DNAJC21: variants seen among roughly 807,000 people sequenced by gnomAD.
The protein encoded by DNAJC21 is DnaJ heat shock protein family (Hsp40) member C21, also known as dnaJ homolog subfamily C member 21.
A neutral mutation model predicts 72.4 loss-of-function variants in DNAJC21; 63 were observed. That is an observed-to-expected ratio of 0.87 (90% CI 0.71 to 1.07). DNAJC21 has a LOEUF of 1.07. Among genes scored for constraint, DNAJC21 ranks in the 50% least tolerant of loss-of-function variants. The pLI, the probability that DNAJC21 is intolerant of heterozygous loss-of-function variation, is 0.00. For missense variants in DNAJC21, 634 were observed against 644.8 expected (o/e 0.98, Z 0.18); for synonymous variants, 203 against 216.7 (o/e 0.94, Z 0.56).
At chr5:34,944,807 C>T (rs940010588) in intron 7 of DNAJC21, 60 bp from the exon 8 acceptor site, 124 of 1,593,108 alleles carry the variant, frequency 7.8e-5, no homozygotes, top group Non-Finnish European at 5.3e-5. Flanking sequence ...TATCCAGCAA[C>T]ATTATCTGGA....
intron 10 of DNAJC21, 185 bp downstream of exon 10, chr5:34,950,527 C>T: frequency 8.0e-7 from 1 of 1,249,888 alleles, no homozygotes; most frequent in Non-Finnish European, 1.0e-6. Context: ...GAAGAGGATG[C>T]TAGAGGAATG....
intron 9 of DNAJC21, 118 bp from the exon 10 acceptor site, chr5:34,950,052 A>G: frequency 8.5e-7 from 1 of 1,175,378 alleles, no homozygotes; most frequent in Non-Finnish European, 1.2e-6. Flanking sequence ...CATGTTCTTA[A>G]CTTACCTGCT....
At chr5:34,950,636 G>C in intron 10 of DNAJC21, 1 of 1,036,226 alleles carries the variant, frequency 9.7e-7, no homozygotes. Flanking sequence ...ATTTTGTCGT[G>C]GATCATTAAC....
chr5:34,941,874 T>C (rs1297657097), intron 7 of DNAJC21, among the ~76,000 whole-genome samples: 3 of 151,772 alleles, frequency 2.0e-5, no homozygotes, highest in Non-Finnish European at 4.4e-5. Flanking sequence ...GCCCTTGTGT[T>C]TTTTTTTGAG....
intron 10 of DNAJC21, chr5:34,950,886 C>T: frequency 6.1e-6 from 6 of 985,606 alleles, no homozygotes; most frequent in Non-Finnish European, 7.2e-6. Context: ...CTCCTTCCTC[C>T]TCTTGTCTGA....
chr5:34,954,315 T>C, intron 11 of DNAJC21: 1 of 497,500 alleles, frequency 2.0e-6, no homozygotes, highest in Non-Finnish European at 3.4e-6. Context: ...CTTCCTCTTT[T>C]TTAGTCCATG....
intron 9 of DNAJC21, among the ~76,000 whole-genome samples, chr5:34,947,381 AATGAGT>A (rs1765203447): frequency 2.0e-5 from 3 of 152,156 alleles, no homozygotes; most frequent in Admixed American, 6.6e-5. Context: ...TTTGAAAGTA[AATGAGT>A]ATATTTTCAC....
chr5:34,949,617 A>G (rs1280045213), intron 9 of DNAJC21: 1 of 1,602,600 alleles, frequency 6.2e-7, no homozygotes, highest in Non-Finnish European at 8.5e-7. Flanking sequence ...GTGTGTTGGG[A>G]GAGAGAAGAG....
At chr5:34,937,728 C>A in intron 5 of DNAJC21, 98 bp downstream of exon 5, 4 of 1,400,096 alleles carry the variant, frequency 2.9e-6, no homozygotes, top group Non-Finnish European at 2.9e-6. Context: ...AGTCATCAGC[C>A]TGGCTTTATC....
rs1394597312 is a variant in DNAJC21 at position 34,956,329 on chromosome 5, C to A, written c.*1615C>A. ...ACCTTAATTTAAATTCTTTTCTTTT[C>A]CATTTAGAGATATGTTTTTTTCTTT... On this transcript the variant is annotated 3_prime_UTR_variant, in exon 12 of 12. Transcript: ENST00000648817. 6.6e-6 allele frequency: 1 copy of A among 152,240 alleles called. No individual in the cohort carries two copies. The highest frequency in any genetic ancestry group is 1.5e-5 in the Non-Finnish European group (1 of 68,002). The allele number at this position is 152,240 out of a possible 1,614,324, so 9.4% of individuals were successfully genotyped here.
rs962471953 is a variant in DNAJC21 at position 34,956,331 on chromosome 5, A to G, written c.*1617A>G. ...CTTAATTTAAATTCTTTTCTTTTCC[A>G]TTTAGAGATATGTTTTTTTCTTTAC... On this transcript the variant is annotated 3_prime_UTR_variant, in exon 12 of 12. Transcript: ENST00000648817. The G allele has an allele frequency of 1.7e-4, 26 of 152,290 alleles. No homozygotes were observed. The highest frequency in any genetic ancestry group is 5.6e-4 in the African/African-American group (23 of 41,414). The allele number at this position is 152,290 out of a possible 1,614,324, so 9.4% of individuals were successfully genotyped here. A position where few individuals can be genotyped will look rare whatever the true frequency, so the allele number is the denominator to read the frequency against.
At chr5:34,931,118 G>A (rs1237020671) in intron 1 of DNAJC21, among the ~76,000 whole-genome samples, 2 of 152,162 alleles carry the variant, frequency 1.3e-5, no homozygotes, top group Non-Finnish European at 2.9e-5. Flanking sequence ...CTGAAAAATA[G>A]GGATTATGAG....
intron 9 of DNAJC21, 30 bp downstream of exon 9, chr5:34,945,833 A>G: frequency 6.7e-7 from 1 of 1,498,128 alleles, no homozygotes; most frequent in Non-Finnish European, 9.1e-7. Context: ...TTAACATTAA[A>G]TGCCAACGAT....
intron 10 of DNAJC21, chr5:34,951,219 T>C (rs1765354364): frequency 1.0e-6 from 1 of 985,362 alleles, no homozygotes. Flanking sequence ...GTTGAAGCTT[T>C]GAAGAACTTT....
intron 10 of DNAJC21, chr5:34,951,122 A>G: frequency 1.0e-6 from 1 of 985,506 alleles, no homozygotes; most frequent in African/African-American, 1.7e-5. Flanking sequence ...ACTTAGTAGT[A>G]GGAAGGAGGA....
chr5:34,937,619 A>G lies in DNAJC21; in HGVS notation c.732A>G (p.Leu244=), dbSNP rs934038822. The change falls in exon 5 of 12, where the codon CTA becomes CTG. Residue 244 remains leucine, a synonymous_variant. Transcript: ENST00000648817. Reference sequence around the variant, plus strand: ...AAGAGATGAGGCGGCAGCAGAAGCTAAAGCAGGCCAAGTGCGTAGCGTGCG... The same window carrying G: ...AAGAGATGAGGCGGCAGCAGAAGCTGAAGCAGGCCAAGTGCGTAGCGTGCG... ...KAEEMRRQQK[L]KQAKLVEQYR... The G allele has an allele frequency of 1.2e-6, 2 of 1,612,242 alleles. No homozygotes were observed. The highest frequency in any genetic ancestry group is 1.3e-5 in the African/African-American group (1 of 74,800).
chr5:34,954,541 T>G lies in DNAJC21; in HGVS notation c.1435-12T>G, dbSNP rs749027303. 3.1e-6 allele frequency: 5 copies of G among 1,587,474 alleles called. No individual in the cohort carries two copies. Reference sequence around the variant, plus strand: ...ACGCTTACTTTTATTTATGATTTTTTGCCCTTCTCAGAGTGTTCTTATCAG... The same window carrying G: ...ACGCTTACTTTTATTTATGATTTTTGGCCCTTCTCAGAGTGTTCTTATCAG... On this transcript the variant is annotated splice_polypyrimidine_tract_variant and intron_variant, in intron 11 of 11. Transcript: ENST00000648817.
chr5:34,945,087 GTTT>G, intron 8 of DNAJC21, 62 bp downstream of exon 8: 1 of 1,570,502 alleles, frequency 6.4e-7, no homozygotes, highest in Non-Finnish European at 8.6e-7. Context: ...GCATTAAAAG[GTTT>G]TTTTTGAGAT....
intron 1 of DNAJC21, 139 bp downstream of exon 1, chr5:34,930,055 T>G: frequency 3.7e-6 from 2 of 541,756 alleles, no homozygotes; most frequent in Non-Finnish European, 5.9e-6. Flanking sequence ...GCCCGGCCAG[T>G]GCCCGGAGCC....
Sources: gnomAD v4.1 joint callset for allele counts (sites outside exome capture counted in the v4.1 genomes callset) on GRCh38, gnomAD v4.1.1 for gene constraint, MANE v1.5 for transcripts, NCBI Gene and HGNC (gene_info 2026-07-23, HGNC 2026-07-21) for gene names.